The following SERGEF variants were observed in gnomAD, a reference collection of about 807,000 sequenced individuals.
SERGEF encodes secretion-regulating guanine nucleotide exchange factor.
A neutral mutation model predicts 50.0 loss-of-function variants in SERGEF; 51 were observed. That is an observed-to-expected ratio of 1.02 (90% confidence interval 0.81 to 1.29). The LOEUF is 1.29. SERGEF is among the 50% of genes most tolerant of loss of function. The pLI, the probability that SERGEF is intolerant of heterozygous loss-of-function variation, is 0.00. For missense variants in SERGEF, 521 were observed against 557.0 expected, an observed-to-expected ratio of 0.94 and a Z score of 0.65; for synonymous variants, 205 against 212.4, an observed-to-expected ratio of 0.97 and a Z score of 0.30.
intron 9 of SERGEF, chr11:17,918,683 C>G: frequency 2.2e-6 from 1 of 454,204 alleles, no homozygotes; most frequent in East Asian, 7.0e-5. Flanking sequence ...CTCTCTCTTT[C>G]TCTCCCCCTA....
chr11:17,863,087 A>G (rs1453281718), intron 10 of SERGEF, among the ~76,000 whole-genome samples: 3 of 152,236 alleles, frequency 2.0e-5, no homozygotes, highest in Non-Finnish European at 2.9e-5. Flanking sequence ...AGCAGACCTT[A>G]GTTTGAATTC....
At chr11:18,004,687 GA>G (rs1032689372) in intron 3 of SERGEF, 152 bp from the exon 4 acceptor site, 2 of 622,640 alleles carry the variant, frequency 3.2e-6, no homozygotes, top group African/African-American at 3.7e-5. Flanking sequence ...CTCTAGGAAT[GA>G]AAACACTGGG....
At chr11:18,007,842 C>T in intron 2 of SERGEF, 99 bp downstream of exon 2, 1 of 1,226,778 alleles carries the variant, frequency 8.2e-7, no homozygotes. Flanking sequence ...CATTATTTTC[C>T]TCTGCAAAAT....
chr11:17,801,758 G>A (rs966606421), intron 10 of SERGEF, among the ~76,000 whole-genome samples: 8 of 152,132 alleles, frequency 5.3e-5, no homozygotes, highest in South Asian at 2.1e-4. Flanking sequence ...CTGGGAAACC[G>A]TGTGAATAAC....
intron 10 of SERGEF, among the ~76,000 whole-genome samples, chr11:17,805,109 G>A (rs1244057462): frequency 6.6e-6 from 1 of 152,198 alleles, no homozygotes; most frequent in Non-Finnish European, 1.5e-5. Flanking sequence ...ATTCAAATGA[G>A]ATACTCAGGC....
chr11:17,925,022 T>C (rs910817283), intron 9 of SERGEF, among the ~76,000 whole-genome samples: 3 of 152,222 alleles, frequency 2.0e-5, no homozygotes, highest in African/African-American at 4.8e-5. Context: ...AACTTGGGGA[T>C]GGAGTTCCAC....
Position 17,788,408 on chromosome 11 carries a change from C to G in SERGEF, c.1054G>C (p.Val352Leu). 3.1e-6 allele frequency: 5 copies of G among 1,600,944 alleles called. No homozygotes were observed. Among genetic ancestry groups the G allele is most frequent in the Non-Finnish European group, 4.3e-6 (5 of 1,170,226 alleles). Residue 352 changes from valine to leucine, a missense_variant, in exon 11 of 11, where the codon GTG becomes CTG. Val to Leu is a conservative substitution (Grantham distance 32). Transcript: ENST00000265965. ...SEHNLAIIGG[V>L]CYSWGWNEHG... ...TCATTCCAGCCCCAAGAGTAACACA[C>G]TCCACCTGTGAAGGAGAGGGAAGAC...
chr11:17,989,257 C>A (rs1490353757), intron 7 of SERGEF, among the ~76,000 whole-genome samples: 1 of 152,198 alleles, frequency 6.6e-6, no homozygotes, highest in Non-Finnish European at 1.5e-5. Flanking sequence ...GATAGCACTT[C>A]AGTTTGTTTT....
At chr11:17,880,184 T>C (rs575339887) in intron 9 of SERGEF, among the ~76,000 whole-genome samples, 6 of 152,326 alleles carry the variant, frequency 3.9e-5, no homozygotes, top group African/African-American at 1.4e-4. Flanking sequence ...TAATTACCAG[T>C]AAGTATTTCC....
intron 4 of SERGEF, among the ~76,000 whole-genome samples, chr11:18,003,101 G>T (rs1045395502): frequency 2.6e-5 from 4 of 152,176 alleles, no homozygotes; most frequent in Non-Finnish European, 4.4e-5. Context: ...ACCATGACCC[G>T]AAATAACAGT....
intron 9 of SERGEF, among the ~76,000 whole-genome samples, chr11:17,891,247 A>C (rs1851527814): frequency 6.6e-6 from 1 of 152,236 alleles, no homozygotes; most frequent in Admixed American, 6.5e-5. Flanking sequence ...TCAAAAAAAA[A>C]GTTGTAGAGA....
intron 1 of SERGEF, chr11:18,010,204 C>T (rs1854168201): frequency 1.1e-5 from 7 of 614,344 alleles, no homozygotes; most frequent in African/African-American, 1.9e-5. Flanking sequence ...TACATACATA[C>T]ATACATAATC....
chr11:18,003,670 T>A (rs1389143315), intron 4 of SERGEF, among the ~76,000 whole-genome samples: 1 of 152,094 alleles, frequency 6.6e-6, no homozygotes, highest in Non-Finnish European at 1.5e-5. Context: ...GCCACTGCAC[T>A]CCAGCCTGGG....
rs527502191 is a variant in SERGEF, at chr11:17,971,799, C to A, written c.845-12163G>T. ...CTATAGCTGCCATAGATAGTGATTC[C>A]TCTGATGGATATGGGCAAAGTTATT... is the stretch of plus-strand genomic sequence containing the variant. On this transcript the variant is annotated intron_variant, in intron 8 of 10. Transcript: ENST00000265965. Among the ~76,000 whole-genome samples, 11 of 152,218 alleles carry A rather than the reference C, an allele frequency of 7.2e-5. No individual in the cohort carries two copies. In the East Asian group the frequency reaches 1.9e-3, roughly 27 times the overall value.
chr11:17,886,145 C>G (rs573519079), intron 9 of SERGEF, among the ~76,000 whole-genome samples: 1 of 152,074 alleles, frequency 6.6e-6, no homozygotes, highest in Non-Finnish European at 1.5e-5. Flanking sequence ...ATCTGTAAAA[C>G]GGAATTCAAA....
intron 10 of SERGEF, 53 bp downstream of exon 10, chr11:17,878,155 A>G: frequency 7.4e-7 from 1 of 1,353,172 alleles, no homozygotes; most frequent in Non-Finnish European, 1.0e-6. Context: ...GTCTTCTCCA[A>G]TTCTGCCACA....
intron 9 of SERGEF, among the ~76,000 whole-genome samples, chr11:17,900,292 C>T (rs78971784): frequency 0.021 from 3,218 of 152,266 alleles, 162 homozygotes; most frequent in East Asian, 0.2. Flanking sequence ...GTTGCCATTT[C>T]GCTAGGTTAC....
chr11:17,957,578 G>A (rs974857567), intron 9 of SERGEF, among the ~76,000 whole-genome samples: 1 of 152,118 alleles, frequency 6.6e-6, no homozygotes, highest in African/African-American at 2.4e-5. Flanking sequence ...TTTAAATACT[G>A]CATTCCCTTA....
intron 9 of SERGEF, among the ~76,000 whole-genome samples, chr11:17,878,999 C>T (rs1270285828): frequency 1.3e-5 from 2 of 152,310 alleles, no homozygotes; most frequent in African/African-American, 4.8e-5. Context: ...ATCATTGTTT[C>T]CTGTCCTCTT....
Sources: allele counts gnomAD v4.1 joint callset (sites outside exome capture counted in the v4.1 genomes callset), GRCh38; gene constraint gnomAD v4.1.1; transcripts MANE v1.5; gene names NCBI Gene and HGNC (gene_info 2026-07-23, HGNC 2026-07-21).